Variants in MALRD1 observed in about 807,000 individuals in gnomAD.
The protein encoded by MALRD1 is MAM and LDL-receptor class A domain-containing protein 1.
MALRD1 carries 247 observed loss-of-function variants against 242.1 expected under a neutral mutation model. The observed-to-expected ratio is 1.02, with a 90% CI of 0.92 to 1.13. The LOEUF is 1.13. MALRD1 is among the 50% of genes most tolerant of loss of function. MALRD1 has a pLI of 0.00. For missense variants in MALRD1, 2,989 were observed against 2,533.1 expected, an observed-to-expected ratio of 1.18 and a Z score of -3.86; for synonymous variants, 995 against 866.6, an observed-to-expected ratio of 1.15 and a Z score of -2.60.
At chr10:19,269,542 T>A (rs1840110373) in intron 19 of MALRD1, among the ~76,000 whole-genome samples, 1 of 152,246 alleles carries the variant, frequency 6.6e-6, no homozygotes, top group South Asian at 2.1e-4. Context: ...GCAGTCCTTG[T>A]CATGCCTCAG....
intron 38 of MALRD1, among the ~76,000 whole-genome samples, chr10:19,710,107 C>A (rs1296158378): frequency 2.0e-5 from 3 of 152,028 alleles, no homozygotes; most frequent in Non-Finnish European, 4.4e-5. Flanking sequence ...TCTGAATAAC[C>A]AAACCAAACC....
intron 21 of MALRD1, 66 bp downstream of exon 21, chr10:19,283,247 G>GC (rs369373106): frequency 3.1e-5 from 40 of 1,300,072 alleles, no homozygotes; most frequent in African/African-American, 9.1e-5. Context: ...CCAAATTTCT[G>GC]CCCCCACCAC....
At chr10:19,353,630 A>G (rs1844494823) in intron 26 of MALRD1, among the ~76,000 whole-genome samples, 1 of 152,200 alleles carries the variant, frequency 6.6e-6, no homozygotes, top group Non-Finnish European at 1.5e-5. Context: ...AAGCAAATAA[A>G]CATTTTAAGA....
intron 13 of MALRD1, among the ~76,000 whole-genome samples, chr10:19,173,503 C>T (rs1237777184): frequency 1.3e-5 from 2 of 152,144 alleles, no homozygotes; most frequent in East Asian, 3.9e-4. Context: ...TGCAATTTTT[C>T]TTTTTAACAA....
intron 28 of MALRD1, among the ~76,000 whole-genome samples, chr10:19,393,976 C>A (rs760199368): frequency 1.4e-4 from 22 of 152,188 alleles, no homozygotes; most frequent in Non-Finnish European, 2.6e-4. Flanking sequence ...TCTTTTGGAA[C>A]TCTTCCATCT....
At chr10:19,669,106 G>A (rs971892766) in intron 36 of MALRD1, among the ~76,000 whole-genome samples, 7 of 152,222 alleles carry the variant, frequency 4.6e-5, no homozygotes, top group African/African-American at 1.7e-4. Context: ...ATCACCGGAA[G>A]CTGGAAGATA....
At chr10:19,622,685 A>G (rs1379660045) in intron 36 of MALRD1, among the ~76,000 whole-genome samples, 2 of 151,074 alleles carry the variant, frequency 1.3e-5, no homozygotes, top group Non-Finnish European at 3.0e-5. Flanking sequence ...CTGAGTAGCT[A>G]TGAGAAGCTA....
At chr10:19,541,225 T>C (rs180896098) in intron 32 of MALRD1, among the ~76,000 whole-genome samples, 25 of 152,344 alleles carry the variant, frequency 1.6e-4, no homozygotes, top group African/African-American at 5.1e-4. Flanking sequence ...TCATGGCCAT[T>C]GTTTTTACAA....
intron 29 of MALRD1, among the ~76,000 whole-genome samples, chr10:19,459,094 A>G (rs1449520711): frequency 3.9e-5 from 6 of 152,108 alleles, no homozygotes; most frequent in African/African-American, 1.4e-4. Context: ...GCTGTATTTA[A>G]GGTCACAGTC....
At chr10:19,230,971 T>G (rs1384305444) in intron 18 of MALRD1, among the ~76,000 whole-genome samples, 1 of 152,206 alleles carries the variant, frequency 6.6e-6, no homozygotes, top group East Asian at 1.9e-4. Context: ...AATAATTGGT[T>G]GTGGAGACTT....
intron 21 of MALRD1, among the ~76,000 whole-genome samples, chr10:19,305,620 TC>T (rs1842129957): frequency 6.6e-6 from 1 of 150,886 alleles, no homozygotes. Flanking sequence ...CCAGCCTATG[TC>T]TTCATTTCAT....
intron 26 of MALRD1, among the ~76,000 whole-genome samples, chr10:19,358,596 C>G (rs1341763061): frequency 2.0e-5 from 3 of 152,166 alleles, no homozygotes; most frequent in Admixed American, 1.3e-4. Context: ...GTGATGTCAG[C>G]TAATCTACTT....
intron 26 of MALRD1, among the ~76,000 whole-genome samples, chr10:19,367,763 C>T (rs1301215669): frequency 2.6e-5 from 4 of 151,942 alleles, no homozygotes; most frequent in African/African-American, 9.7e-5. Context: ...GCATTCTCAC[C>T]AGTATTTATT....
intron 31 of MALRD1, among the ~76,000 whole-genome samples, chr10:19,509,090 AT>A (rs1833278841): frequency 6.6e-6 from 1 of 152,190 alleles, no homozygotes; most frequent in African/African-American, 2.4e-5. Context: ...TTATCTTTAT[AT>A]TACATTATAT....
chr10:19,647,372 G>T (rs1013652313), intron 36 of MALRD1, among the ~76,000 whole-genome samples: 1 of 152,152 alleles, frequency 6.6e-6, no homozygotes, highest in African/African-American at 2.4e-5. Context: ...GGGAAACCAA[G>T]GTAGAGGAGC....
intron 26 of MALRD1, among the ~76,000 whole-genome samples, chr10:19,371,024 A>G (rs757745192): frequency 1.4e-5 from 2 of 146,494 alleles, no homozygotes; most frequent in Admixed American, 6.9e-5. Context: ...CCAAGACCAT[A>G]TTTTTAAGAG....
At chr10:19,131,619 T>C (rs1833111849) in intron 8 of MALRD1, among the ~76,000 whole-genome samples, 1 of 152,180 alleles carries the variant, frequency 6.6e-6, no homozygotes, top group African/African-American at 2.4e-5. Context: ...CATGGTCTTA[T>C]TCCTAGATGC....
chr10:19,244,421 A>G (rs1241193954), intron 18 of MALRD1, among the ~76,000 whole-genome samples: 1 of 152,070 alleles, frequency 6.6e-6, no homozygotes, highest in Non-Finnish European at 1.5e-5. Context: ...AAATAAAAAT[A>G]TTAGCTGGAT....
intron 38 of MALRD1, among the ~76,000 whole-genome samples, chr10:19,721,000 C>T (rs1214731242): frequency 1.3e-5 from 2 of 151,260 alleles, no homozygotes; most frequent in Non-Finnish European, 2.9e-5. Flanking sequence ...AAACCTATTT[C>T]CTTAGGTTAT....
Sources: allele counts gnomAD v4.1 joint callset (sites outside exome capture counted in the v4.1 genomes callset), GRCh38; gene constraint gnomAD v4.1.1; transcripts MANE v1.5; gene names NCBI Gene and HGNC (gene_info 2026-07-23, HGNC 2026-07-21).